CSE1L: variants seen among roughly 807,000 people sequenced by gnomAD.
CSE1L encodes exportin-2.
CSE1L carries 24 observed loss-of-function variants against 120.4 expected under a neutral mutation model. That is an observed-to-expected ratio of 0.20 (90% CI 0.14 to 0.28). CSE1L has a LOEUF of 0.28. CSE1L is among the 10% of genes least tolerant of loss of function. The probability of loss-of-function intolerance (pLI) is 1.00; values close to 1 mark genes in which losing one functional copy is unlikely to be tolerated. For synonymous variants in CSE1L, 402 were observed against 398.3 expected, an observed-to-expected ratio of 1.01 and a Z score of -0.11; for missense variants, 830 against 1,145.2, an observed-to-expected ratio of 0.72 and a Z score of 3.97.
At chr20:49,057,305 G>T (rs955124821) in intron 1 of CSE1L, among the ~76,000 whole-genome samples, 2 of 152,100 alleles carry the variant, frequency 1.3e-5, no homozygotes, top group African/African-American at 4.8e-5. Context: ...CTGAACTCTA[G>T]AATTTATCTC....
At chr20:49,058,039 G>A (rs536330631) in intron 1 of CSE1L, among the ~76,000 whole-genome samples, 12 of 152,160 alleles carry the variant, frequency 7.9e-5, no homozygotes, top group Admixed American at 3.3e-4. Context: ...CCAAAGTGTC[G>A]GGATTTACAG....
Position 49,090,132 on chromosome 20 carries a change from AAATAAT to A in CSE1L, c.2181+398_2181+403del, listed in dbSNP as rs538671130. ...AGAGCTAGACCCTGTCTCTTAAAAA[AAATAAT>A]AATAATAATAACGGAAATAATTAGT... On this transcript the variant is annotated intron_variant, in intron 19 of 24. Coordinates refer to ENST00000262982, the MANE Select transcript of CSE1L (RefSeq NM_001316.4). 3.9e-5 allele frequency among the ~76,000 whole-genome samples: 6 copies of A among 152,164 alleles called. No individual in the cohort carries two copies. In the South Asian group the frequency reaches 6.2e-4, roughly 16 times the overall value.
At chr20:49,089,115 C>A in intron 17 of CSE1L, 132 bp from the exon 18 acceptor site, 1 of 739,768 alleles carries the variant, frequency 1.4e-6, no homozygotes, top group Non-Finnish European at 2.0e-6. Flanking sequence ...AATGAACAAG[C>A]ACTAGGGTAT....
intron 6 of CSE1L, among the ~76,000 whole-genome samples, 160 bp downstream of exon 6, chr20:49,067,440 A>C (rs1278592737): frequency 6.6e-6 from 1 of 152,210 alleles, no homozygotes; most frequent in East Asian, 1.9e-4. Context: ...GAGATGCTAT[A>C]GTGAACTCCC....
intron 8 of CSE1L, among the ~76,000 whole-genome samples, chr20:49,070,576 A>G (rs1223574961): frequency 6.6e-6 from 1 of 152,236 alleles, no homozygotes; most frequent in East Asian, 1.9e-4. Flanking sequence ...TTCATGAAAT[A>G]AAATTATTTT....
chr20:49,052,770 A>G (rs2091777487), intron 1 of CSE1L, among the ~76,000 whole-genome samples: 1 of 152,082 alleles, frequency 6.6e-6, no homozygotes, highest in South Asian at 2.1e-4. Context: ...TTGTATATTT[A>G]GTAGAGACAG....
chr20:49,068,584 G>T (rs1454089252), intron 6 of CSE1L, 131 bp from the exon 7 acceptor site: 2 of 626,840 alleles, frequency 3.2e-6, no homozygotes, highest in Admixed American at 5.4e-5. Context: ...GGACGACAGA[G>T]CAAGACTCCG....
At chr20:49,064,442 G>T (rs1284816626) in intron 3 of CSE1L, among the ~76,000 whole-genome samples, 1 of 152,210 alleles carries the variant, frequency 6.6e-6, no homozygotes, top group Non-Finnish European at 1.5e-5. Context: ...GGGCTTGGTG[G>T]CCCATGCCTG....
intron 14 of CSE1L, among the ~76,000 whole-genome samples, chr20:49,082,910 T>C (rs2092024789): frequency 6.6e-6 from 1 of 151,522 alleles, no homozygotes; most frequent in Non-Finnish European, 1.5e-5. Flanking sequence ...GCCAGGAAAT[T>C]CTGGACTCAA....
intron 1 of CSE1L, among the ~76,000 whole-genome samples, chr20:49,052,007 A>G (rs1322635610): frequency 2.0e-5 from 3 of 152,214 alleles, no homozygotes; most frequent in Non-Finnish European, 4.4e-5. Context: ...GAACAAATCT[A>G]AAAATTCACT....
intron 14 of CSE1L, 149 bp from the exon 15 acceptor site, chr20:49,083,877 T>G (rs2092032726): frequency 1.4e-6 from 1 of 701,638 alleles, no homozygotes; most frequent in Admixed American, 3.1e-5. Context: ...AGTGAAAGTT[T>G]TGGTTTCTGG....
In CSE1L at chr20:49,087,351, C is replaced by CTTTTTT. The variant is rs11483071; in HGVS notation, c.1724-645_1724-640dup. ...CTGATGCTGGTTTCTTTTTCTTTTT[C>CTTTTTT]TTTTTTTTTTTTTTTTTTGAGAGAG... On this transcript the variant is annotated intron_variant, in intron 16 of 24. Coordinates refer to ENST00000262982, the MANE Select transcript of CSE1L (RefSeq NM_001316.4). Among the ~76,000 whole-genome samples, 113 of 116,248 alleles carry CTTTTTT rather than the reference C, an allele frequency of 9.7e-4. 1 individual carries two copies. Among genetic ancestry groups the CTTTTTT allele is most frequent in the East Asian group, 1.7e-3 (7 of 4,162 alleles). 76.3% of individuals were successfully genotyped at this position (116,248 alleles called of 152,430 possible). A position where few individuals can be genotyped will look rare whatever the true frequency, so the allele number is the denominator to read the frequency against.
intron 2 of CSE1L, among the ~76,000 whole-genome samples, chr20:49,059,761 TC>T (rs1306014529): frequency 6.6e-6 from 1 of 151,974 alleles, no homozygotes; most frequent in African/African-American, 2.4e-5. Flanking sequence ...ACACCTGTAG[TC>T]CCAGCTGCTC....
chr20:49,056,331 T>C (rs2091806778), intron 1 of CSE1L, among the ~76,000 whole-genome samples: 1 of 152,294 alleles, frequency 6.6e-6, no homozygotes, highest in African/African-American at 2.4e-5. Context: ...CTCAAACTCC[T>C]GACCTCAGGT....
At chr20:49,049,906 A>G (rs1464608378) in intron 1 of CSE1L, among the ~76,000 whole-genome samples, 1 of 152,166 alleles carries the variant, frequency 6.6e-6, no homozygotes, top group Non-Finnish European at 1.5e-5. Flanking sequence ...GTGTGCCTGT[A>G]GTCCCAGCTA....
At position 49,089,734 on chromosome 20, in the gene CSE1L, A is replaced by G. The variant is rs745909784; in HGVS notation, c.2169A>G (p.Ala723=). The change falls in exon 19 of 25, where the codon GCA becomes GCG. Residue 723 remains alanine, a synonymous_variant. Coordinates refer to ENST00000262982, the MANE Select transcript of CSE1L (RefSeq NM_001316.4). ...ERGSNTIASA[A]ADKIPGLLGV... The stretch of plus-strand genomic sequence containing the variant: ...GTTCAAACACAATAGCAAGTGCTGC[A>G]GCTGACAAAATTGTGCGTCAGGTTT... The G allele has an allele frequency of 6.2e-7, 1 of 1,614,172 alleles. No homozygotes were observed.
rs758112988 is a variant in CSE1L, at chr20:49,089,253, A to G, written c.1828A>G (p.Ser610Gly). 2 of 1,575,712 alleles carry G rather than the reference A, an allele frequency of 1.3e-6. No homozygotes were observed. Among genetic ancestry groups the G allele is most frequent in the Middle Eastern group, 2.0e-4 (1 of 5,116 alleles). ...TTTTTTTTTTTAATTTCAGAACCCA[A>G]GCAAACCTCACTTTAATCACTACAT... Reference protein sequence around the residue: ...QKLLAVSKNPSKPHFNHYMFE... With the variant: ...QKLLAVSKNPGKPHFNHYMFE... The change falls in exon 18 of 25, where the codon AGC becomes GGC. Residue 610 changes from serine to glycine, a missense_variant. Ser to Gly is a moderately conservative substitution (Grantham distance 56, BLOSUM62 0). Transcript: ENST00000262982.
intron 22 of CSE1L, among the ~76,000 whole-genome samples, chr20:49,092,621 G>T (rs764449856): frequency 6.6e-6 from 1 of 151,816 alleles, no homozygotes; most frequent in Non-Finnish European, 1.5e-5. Context: ...TTGGACACAG[G>T]GCGGGGAACA....
At chr20:49,062,464 C>T (rs982948262) in intron 2 of CSE1L, among the ~76,000 whole-genome samples, 2 of 152,006 alleles carry the variant, frequency 1.3e-5, no homozygotes, top group Non-Finnish European at 2.9e-5. Context: ...GGAAATTTAT[C>T]CCAGAATGTA....
Sources: allele counts gnomAD v4.1 joint callset (sites outside exome capture counted in the v4.1 genomes callset), GRCh38; gene constraint gnomAD v4.1.1; transcripts MANE v1.5; gene names NCBI Gene and HGNC (gene_info 2026-07-23, HGNC 2026-07-21).